Variants in TENM3 observed in about 807,000 individuals in gnomAD.
The protein encoded by TENM3 is teneurin transmembrane protein 3.
TENM3 carries 63 observed loss-of-function variants against 255.1 expected under a neutral mutation model. That is an observed-to-expected ratio of 0.25 (90% confidence interval 0.20 to 0.30). The LOEUF is 0.30. Among genes scored for constraint, TENM3 ranks in the 10% least tolerant of loss-of-function variants. TENM3 has a pLI of 1.00. For synonymous variants in TENM3, 1,306 were observed against 1,322.3 expected (o/e 0.99, Z 0.27); for missense variants, 2,929 against 3,461.1 (o/e 0.85, Z 3.86).
chr4:182,414,513 G>A (rs1475716159), intron 3 of TENM3, among the ~76,000 whole-genome samples: 1 of 152,140 alleles, frequency 6.6e-6, no homozygotes, highest in Non-Finnish European at 1.5e-5. Context: ...ATTTCATGAT[G>A]TGTGTGCACG....
At chr4:181,676,102 T>A in the TENM3 span, among the ~76,000 whole-genome samples, 1 of 152,098 alleles carries the variant, frequency 6.6e-6, no homozygotes, top group Non-Finnish European at 1.5e-5. Context: ...TCTTTTTCTG[T>A]AATTTAATTG....
At chr4:182,339,707 G>A (rs1354707177) in intron 2 of TENM3, among the ~76,000 whole-genome samples, 1 of 152,140 alleles carries the variant, frequency 6.6e-6, no homozygotes, top group African/African-American at 2.4e-5. Context: ...TCACCGCGGT[G>A]CTGCTTCAGT....
At chr4:182,696,040 G>C (rs62337071) in intron 12 of TENM3, among the ~76,000 whole-genome samples, 27,658 of 152,042 alleles carry the variant, frequency 0.18, 3,124 homozygotes, top group Non-Finnish European at 0.27. Context: ...TTTATGTGAC[G>C]TCAAATACTG....
the TENM3 span, among the ~76,000 whole-genome samples, chr4:181,630,475 T>C: frequency 6.6e-6 from 1 of 152,204 alleles, no homozygotes; most frequent in Non-Finnish European, 1.5e-5. Flanking sequence ...TGTGGGCATT[T>C]AGTGCTATAA....
chr4:182,763,275 A>AGAT (rs1034732804), intron 22 of TENM3, among the ~76,000 whole-genome samples: 2 of 152,210 alleles, frequency 1.3e-5, no homozygotes, highest in African/African-American at 4.8e-5. Flanking sequence ...ACTCAAGAAA[A>AGAT]GATGGGGGCG....
chr4:182,187,560 A>G (rs923655035), intron 1 of TENM3, among the ~76,000 whole-genome samples: 1 of 152,068 alleles, frequency 6.6e-6, no homozygotes, highest in African/African-American at 2.4e-5. Flanking sequence ...CGCTTTTTTT[A>G]AAGGGCAGAG....
intron 3 of TENM3, among the ~76,000 whole-genome samples, chr4:182,359,631 T>C (rs1765818136): frequency 1.4e-5 from 2 of 142,640 alleles, no homozygotes. Flanking sequence ...TTAGTCTTGC[T>C]AGCAGTCTAT....
At chr4:182,392,487 C>T (rs1324403855) in intron 3 of TENM3, among the ~76,000 whole-genome samples, 1 of 152,208 alleles carries the variant, frequency 6.6e-6, no homozygotes, top group African/African-American at 2.4e-5. Flanking sequence ...GTACGTCCAG[C>T]CACCAATCCA....
intron 5 of TENM3, among the ~76,000 whole-genome samples, chr4:182,649,836 T>C (rs749643822): frequency 4.0e-5 from 6 of 150,312 alleles, no homozygotes; most frequent in Non-Finnish European, 4.5e-5. Context: ...AGAAGTGTTA[T>C]CGTAGCCTGT....
At chr4:182,114,378 G>A in the TENM3 span, among the ~76,000 whole-genome samples, 58 of 151,370 alleles carry the variant, frequency 3.8e-4, 1 homozygote, top group African/African-American at 1.3e-3. Context: ...TAATCCCCTC[G>A]CTTTTTCTCC....
chr4:182,599,917 A>G (rs992956454), intron 3 of TENM3, among the ~76,000 whole-genome samples: 2 of 152,200 alleles, frequency 1.3e-5, no homozygotes, highest in Admixed American at 1.3e-4. Flanking sequence ...TCTGTTTGGT[A>G]AAATGTAGTC....
chr4:182,238,442 C>T (rs919253955), upstream of TENM3, among the ~76,000 whole-genome samples: 1 of 152,204 alleles, frequency 6.6e-6, no homozygotes, highest in African/African-American at 2.4e-5. Context: ...CCAGGGGAAC[C>T]TGCCCTATCC....
chr4:182,776,845 G>A (rs1459671210), intron 24 of TENM3, among the ~76,000 whole-genome samples: 2 of 152,138 alleles, frequency 1.3e-5, no homozygotes, highest in Non-Finnish European at 2.9e-5. Context: ...TCAGCAAGAC[G>A]TTTTAGAAAA....
intron 22 of TENM3, among the ~76,000 whole-genome samples, chr4:182,762,311 A>T (rs1763265328): frequency 6.6e-6 from 1 of 151,992 alleles, no homozygotes; most frequent in South Asian, 2.1e-4. Context: ...TCCTCTTTAA[A>T]CTCGTTCTGC....
the TENM3 span, among the ~76,000 whole-genome samples, chr4:181,895,471 G>A: frequency 2.0e-5 from 3 of 149,158 alleles, no homozygotes; most frequent in South Asian, 2.1e-4. Context: ...ACACACTCGC[G>A]CTCCCAGTCC....
the TENM3 span, among the ~76,000 whole-genome samples, chr4:181,529,183 T>G: frequency 1.1e-3 from 172 of 152,306 alleles, no homozygotes; most frequent in African/African-American, 3.9e-3. Flanking sequence ...CAGCTGTTAG[T>G]GCAGTGGAGC....
At chr4:181,818,264 C>T in the TENM3 span, among the ~76,000 whole-genome samples, 790 of 152,274 alleles carry the variant, frequency 5.2e-3, 11 homozygotes, top group African/African-American at 0.018. Flanking sequence ...TAAGTCCATA[C>T]TTGTTAACTT....
At chr4:182,193,688 A>G (rs1419703916) in intron 1 of TENM3, among the ~76,000 whole-genome samples, 1 of 152,146 alleles carries the variant, frequency 6.6e-6, no homozygotes, top group Non-Finnish European at 1.5e-5. Flanking sequence ...TGGCTGACCT[A>G]TTTGGGTAGA....
chr4:181,602,572 A>G, the TENM3 span, among the ~76,000 whole-genome samples: 2,449 of 152,332 alleles, frequency 0.016, 86 homozygotes, highest in African/African-American at 0.056. Flanking sequence ...GTCAAAAGCC[A>G]TCTTGTGTGA....
Sources: allele counts gnomAD v4.1 joint callset (sites outside exome capture counted in the v4.1 genomes callset), GRCh38; gene constraint gnomAD v4.1.1; transcripts MANE v1.5; gene names NCBI Gene and HGNC (gene_info 2026-07-23, HGNC 2026-07-21).